Variants in RYR1 observed in about 807,000 individuals in gnomAD.
The protein encoded by RYR1 is ryanodine receptor 1.
RYR1 carries 342 observed loss-of-function variants against 583.5 expected under a neutral mutation model. The ratio of observed to expected loss-of-function variants is 0.59; its 90% confidence interval spans 0.54 to 0.64. RYR1 has a LOEUF of 0.64. Among genes scored for constraint, RYR1 ranks in the 30% least tolerant of loss-of-function variants. The pLI, the probability that RYR1 is intolerant of heterozygous loss-of-function variation, is 0.00. For missense variants in RYR1, 6,032 were observed against 6,917.2 expected, an observed-to-expected ratio of 0.87 and a Z score of 4.54; for synonymous variants, 2,791 against 2,822.5, an observed-to-expected ratio of 0.99 and a Z score of 0.35.
rs765853789 is a variant in RYR1 at position 38,523,076 on chromosome 19, G to A, written c.10308G>A (p.Arg3436=). 3.2e-5 allele frequency: 51 copies of A among 1,612,186 alleles called. No individual in the cohort carries two copies. Among genetic ancestry groups the A allele is most frequent in the Non-Finnish European group, 3.9e-5 (46 of 1,179,784 alleles). ...ATCCCAGCGCGGAGGAGCTGTTCAG[G>A]ATGGTGGGCGAGATCTTCATCTACT... The part of the protein sequence containing the change: ...EPNPSAEELF[R]MVGEIFIYWS... The change falls in exon 68 of 106, where the codon AGG becomes AGA. Residue 3436 remains arginine (R), a synonymous_variant. Transcript: ENST00000359596.
At chr19:38,465,958 G>C in intron 23 of RYR1, 133 bp from the exon 24 acceptor site, 1 of 867,254 alleles carries the variant, frequency 1.2e-6, no homozygotes. Flanking sequence ...AAATTTCATA[G>C]AACTGCAACA....
In RYR1 at chr19:38,455,286, A is replaced by G; in HGVS notation, c.1492A>G (p.Thr498Ala). 1 of 1,614,046 alleles carries G rather than the reference A, an allele frequency of 6.2e-7. No individual in the cohort carries two copies. Among genetic ancestry groups the G allele is most frequent in the East Asian group, 2.2e-5 (1 of 44,878 alleles). Residue 498 changes from threonine to alanine, a missense_variant, in exon 14 of 106, where the codon ACT becomes GCT. By Grantham distance (58) the Thr-to-Ala change is moderately conservative. Coordinates refer to ENST00000359596, the MANE Select transcript of RYR1 (RefSeq NM_000540.3). Reference protein sequence around the residue: ...NCIDRLNVYTTAAHFAEFAGE... With the variant: ...NCIDRLNVYTAAAHFAEFAGE... ...CATAGACCGCCTAAATGTCTACACC[A>G]CTGCTGCCCACTTTGCTGAGTTTGC...
At chr19:38,462,374 G>A (rs1012531304) in intron 20 of RYR1, among the ~76,000 whole-genome samples, 9 of 152,084 alleles carry the variant, frequency 5.9e-5, no homozygotes, top group South Asian at 2.1e-4. Flanking sequence ...TATCATCTGC[G>A]GGGGTGACTT....
At chr19:38,449,066 T>C (rs1280214553) in intron 11 of RYR1, among the ~76,000 whole-genome samples, 3 of 151,852 alleles carry the variant, frequency 2.0e-5, no homozygotes, top group Non-Finnish European at 4.4e-5. Context: ...GGGATATATC[T>C]ACATGGAGAG....
In RYR1 at chr19:38,523,222, C is replaced by T; in HGVS notation, c.10353C>T (p.Phe3451=). ...IFIYWSKSHN[F]KREEQNFVVQ... ...AACACTGCTTCCCCCACCAGAACTTCAAGCGCGAGGAGCAGAACTTTGTGG... is the reference window on the plus strand; with the variant it reads ...AACACTGCTTCCCCCACCAGAACTTTAAGCGCGAGGAGCAGAACTTTGTGG... Residue 3451 remains phenylalanine, a synonymous_variant, in exon 69 of 106, where the codon TTC becomes TTT. Coordinates refer to ENST00000359596, the MANE Select transcript of RYR1 (RefSeq NM_000540.3). 1.2e-6 allele frequency: 2 copies of T among 1,614,232 alleles called. No homozygotes were observed. The highest frequency in any genetic ancestry group is 1.7e-6 in the Non-Finnish European group (2 of 1,180,034).
intron 1 of RYR1, among the ~76,000 whole-genome samples, chr19:38,436,741 G>A (rs1453112376): frequency 6.6e-6 from 1 of 152,138 alleles, no homozygotes; most frequent in African/African-American, 2.4e-5. Context: ...CTCATAAAAT[G>A]TAGATGGCCC....
In RYR1 at chr19:38,500,724, A is replaced by G. The variant is rs2145605367; in HGVS notation, c.7442A>G (p.Lys2481Arg). The G allele has an allele frequency of 6.2e-7, 1 of 1,614,140 alleles. No individual in the cohort carries two copies. The highest frequency in any genetic ancestry group is 2.2e-5 in the East Asian group (1 of 44,880). ...SLPLQIPTLGKDGALVQPKMS... is the reference protein window; with the variant it reads ...SLPLQIPTLGRDGALVQPKMS... ...CCACTGCAGATTCCCACCCTGGGCAAAGGTGCAGAGGGGATGGAACTTGGC... is the reference window on the plus strand; with the variant it reads ...CCACTGCAGATTCCCACCCTGGGCAGAGGTGCAGAGGGGATGGAACTTGGC... Residue 2481 changes from lysine (K) to arginine (R), a missense_variant and splice_region_variant, in exon 46 of 106, where the codon AAA becomes AGA. Around this residue, in one of 11 missense-constraint regions of RYR1, gnomAD observed 2,627 missense variants for 2,961.3 expected, o/e 0.89. Coordinates refer to ENST00000359596, the MANE Select transcript of RYR1 (RefSeq NM_000540.3). This position sits in a 1 kb window ranked among gnomAD's most constrained non-coding sequence, Gnocchi z 5.9.
chr19:38,462,627 CATTT>C (rs1399325625), intron 20 of RYR1, among the ~76,000 whole-genome samples: 1 of 152,252 alleles, frequency 6.6e-6, no homozygotes, highest in African/African-American at 2.4e-5. Context: ...AACTATGTAA[CATTT>C]AGTAATTTAC....
At chr19:38,442,304 G>A (rs755530044) in intron 2 of RYR1, 45 bp from the exon 3 acceptor site, 10 of 1,264,512 alleles carry the variant, frequency 7.9e-6, no homozygotes, top group Non-Finnish European at 8.1e-6. Context: ...TTGCTGGGGT[G>A]GGGGGGTCTT....
Position 38,504,361 on chromosome 19 carries a change from G to C in RYR1, c.8067+1G>C. ...CATCTTTGACTCTCTGGCCCATAAG[G>C]TCTGGGCAGCAGGGAGCCCCAAAAT... On this transcript the variant is annotated splice_donor_variant, in intron 50 of 105. Transcript: ENST00000359596. LOFTEE classifies it high-confidence loss of function. 1 of 1,614,016 alleles carries C rather than the reference G, an allele frequency of 6.2e-7. No individual in the cohort carries two copies. Among genetic ancestry groups the C allele is most frequent in the Non-Finnish European group, 8.5e-7 (1 of 1,179,916 alleles).
In RYR1 at chr19:38,577,999, ACAGCCCACAATGAGCGCAAGCCCAAC is replaced by A; in HGVS notation, c.14256_14281del (p.His4754AlafsTer108). On this transcript the variant is annotated frameshift_variant, in exon 98 of 106. Coordinates refer to ENST00000359596, the MANE Select transcript of RYR1 (RefSeq NM_000540.3). LOFTEE classifies it high-confidence loss of function. ...CATGGACCTGGCCACACTAGAGATC[ACAGCCCACAATGAGCGCAAGCCCAAC>A]CCGCCGCCAGGGCTGCTGACCTGGT... The A allele has an allele frequency of 6.2e-7, 1 of 1,614,096 alleles. No individual in the cohort carries two copies. The highest frequency in any genetic ancestry group is 8.5e-7 in the Non-Finnish European group (1 of 1,180,004).
intron 101 of RYR1, among the ~76,000 whole-genome samples, chr19:38,583,614 A>G (rs1974316630): frequency 6.6e-6 from 1 of 152,056 alleles, no homozygotes; most frequent in Non-Finnish European, 1.5e-5. Flanking sequence ...CGTGGCTTAC[A>G]AAGCCTGGGA....
At chr19:38,455,112 A>G in intron 13 of RYR1, 123 bp from the exon 14 acceptor site, 2 of 1,193,306 alleles carry the variant, frequency 1.7e-6, no homozygotes, top group Admixed American at 3.5e-5. Flanking sequence ...AAAGGGGCTG[A>G]TTTAGATCTG....
At chr19:38,537,981 G>A (rs1972047239) in intron 84 of RYR1, 21 bp downstream of exon 84, 1 of 1,581,428 alleles carries the variant, frequency 6.3e-7, no homozygotes, top group Non-Finnish European at 8.7e-7. Context: ...GGGGTGTGGG[G>A]TGGAGGGGAA....
intron 67 of RYR1, 33 bp downstream of exon 67, chr19:38,519,487 G>A (rs748665322): frequency 2.5e-5 from 39 of 1,569,950 alleles, no homozygotes; most frequent in South Asian, 1.4e-4. Flanking sequence ...CATGCCCTCC[G>A]CCCCGACCTC....
At position 38,473,353 on chromosome 19, in the gene RYR1, G is replaced by A. The variant is rs749393280; in HGVS notation, c.3766-24G>A. On this transcript the variant is annotated intron_variant, in intron 27 of 105. Coordinates refer to ENST00000359596, the MANE Select transcript of RYR1 (RefSeq NM_000540.3). Reference sequence around the variant, plus strand: ...TGGCCTAGCCCGCCTGCCCAGCCCAGTACTCCATTCCCTGCCACCTCAGGT... The same window carrying A: ...TGGCCTAGCCCGCCTGCCCAGCCCAATACTCCATTCCCTGCCACCTCAGGT... The A allele has an allele frequency of 2.5e-6, 4 of 1,613,450 alleles. No individual in the cohort carries two copies. In the African/African-American group the frequency reaches 5.3e-5, roughly 22 times the overall value.
At chr19:38,520,367 CT>C (rs34261000) in intron 67 of RYR1, among the ~76,000 whole-genome samples, 5,646 of 136,622 alleles carry the variant, frequency 0.041, 136 homozygotes, top group Admixed American at 0.075. Flanking sequence ...CACTTAGCTG[CT>C]TTTTTTTTTT....
Position 38,443,566 on chromosome 19 carries a change from G to A in RYR1, c.279G>A (p.Gln93=). The A allele has an allele frequency of 6.2e-7, 1 of 1,614,010 alleles. No individual in the cohort carries two copies. The highest frequency in any genetic ancestry group is 8.5e-7 in the Non-Finnish European group (1 of 1,179,932). ...NTVEAGVESS[Q]GGGHRTLLYG... is the part of the protein sequence containing the mutation. Reference sequence around the variant, plus strand: ...CCTCCCTCCCCCTGCAGTCATCCCAGGGCGGGGGACACAGGACGCTCCTGT... The same window carrying A: ...CCTCCCTCCCCCTGCAGTCATCCCAAGGCGGGGGACACAGGACGCTCCTGT... Residue 93 remains glutamine (Q), a synonymous_variant, in exon 4 of 106, where the codon CAG becomes CAA. Transcript: ENST00000359596.
chr19:38,475,206 C>T, intron 28 of RYR1, 112 bp from the exon 29 acceptor site: 1 of 1,424,446 alleles, frequency 7.0e-7, no homozygotes, highest in Non-Finnish European at 9.6e-7. Context: ...GAGGCAAGAC[C>T]TGGGGTATTA....
Sources: gnomAD v4.1 joint callset for allele counts (sites outside exome capture counted in the v4.1 genomes callset) on GRCh38, gnomAD v4.1.1 for gene constraint, gnomAD v4.1.1 regional missense constraint, Gnocchi (gnomAD v3.1) non-coding constraint, MANE v1.5 for transcripts, NCBI Gene and HGNC (gene_info 2026-07-23, HGNC 2026-07-21) for gene names.